The following UBXN2A variants were observed in gnomAD, a reference collection of about 807,000 sequenced individuals.
UBXN2A encodes the protein UBX domain protein 2A, also known as UBX domain-containing protein 2A.
UBXN2A carries 28 observed loss-of-function variants against 28.4 expected under a neutral mutation model. That is an observed-to-expected ratio of 0.99 (90% CI 0.73 to 1.35). The LOEUF is 1.35. Ranked by LOEUF, UBXN2A falls within the 40% of genes most tolerant of loss-of-function variation. The pLI, the probability that UBXN2A is intolerant of heterozygous loss-of-function variation, is 0.00. For synonymous variants in UBXN2A, 97 were observed against 103.6 expected (o/e 0.94, Z 0.39); for missense variants, 253 against 297.9 (o/e 0.85, Z 1.11).
At chr2:23,982,829 A>G (rs1707967052) in intron 4 of UBXN2A, 67 bp from the exon 5 acceptor site, 7 of 1,493,368 alleles carry the variant, frequency 4.7e-6, no homozygotes, top group Non-Finnish European at 6.3e-6. Flanking sequence ...TTTTGTATGT[A>G]CAGAATGTTT....
At chr2:23,929,016 A>G (rs1350605399) in intron 1 of UBXN2A, among the ~76,000 whole-genome samples, 2 of 152,158 alleles carry the variant, frequency 1.3e-5, no homozygotes, top group Non-Finnish European at 2.9e-5. Flanking sequence ...TGGGCCAGGC[A>G]CTGTAGCTCA....
chr2:23,974,256 A>T (rs936555193), intron 3 of UBXN2A, among the ~76,000 whole-genome samples: 20 of 150,164 alleles, frequency 1.3e-4, no homozygotes, highest in African/African-American at 4.7e-4. Context: ...TGACCTCGTG[A>T]TCCGCCCGCC....
chr2:23,951,450 A>G, intron 1 of UBXN2A, among the ~76,000 whole-genome samples: 1 of 62,870 alleles, frequency 1.6e-5, no homozygotes, highest in South Asian at 5.4e-4. Context: ...ATATATATAT[A>G]TATATATATA....
At chr2:23,944,087 A>G in intron 1 of UBXN2A, 1 of 667,198 alleles carries the variant, frequency 1.5e-6, no homozygotes, top group Admixed American at 1.9e-5. Flanking sequence ...CTTTGAGCAC[A>G]GGGGTCTCTT....
At chr2:23,984,904 A>G (rs933590818) in intron 6 of UBXN2A, 73 bp downstream of exon 6, 109 of 1,466,440 alleles carry the variant, frequency 7.4e-5, no homozygotes, top group South Asian at 6.1e-4. Flanking sequence ...TGGTTCAGTC[A>G]ACAGTTTATT....
At chr2:23,997,426 A>G (rs1057026804) in intron 6 of UBXN2A, among the ~76,000 whole-genome samples, 3 of 152,166 alleles carry the variant, frequency 2.0e-5, no homozygotes, top group African/African-American at 7.2e-5. Context: ...AAGAATGTCA[A>G]CAGTCTAAAG....
At position 24,002,952 on chromosome 2, in the gene UBXN2A, G is replaced by T. The variant is rs114968454; in HGVS notation, c.*3085G>T. 1.6e-4 allele frequency: 24 copies of T among 152,270 alleles called. No individual in the cohort carries two copies. Among genetic ancestry groups the T allele is most frequent in the Non-Finnish European group, 2.9e-4 (20 of 68,028 alleles). The allele number at this position is 152,270 out of a possible 1,614,324, so 9.4% of individuals were successfully genotyped here. On this transcript the variant is annotated 3_prime_UTR_variant, in exon 7 of 7. Transcript: ENST00000309033. ...GTTTTGACTTCACAGTGCCCTGAAT[G>T]GGTCTTGGGAATCTCCAGGGATCCC... is the stretch of plus-strand genomic sequence containing the variant.
intron 1 of UBXN2A, among the ~76,000 whole-genome samples, chr2:23,929,668 G>T (rs1316755174): frequency 6.6e-6 from 1 of 151,580 alleles, no homozygotes; most frequent in South Asian, 2.1e-4. Context: ...AGCTGAGATT[G>T]CACCACTGCA....
chr2:23,950,073 A>T (rs1391788071), intron 1 of UBXN2A, among the ~76,000 whole-genome samples: 1 of 132,336 alleles, frequency 7.6e-6, no homozygotes, highest in Non-Finnish European at 1.5e-5. Flanking sequence ...ACTGTGAAGG[A>T]TACAGGAAAT....
intron 1 of UBXN2A, among the ~76,000 whole-genome samples, chr2:23,942,454 C>T (rs1000293302): frequency 1.5e-4 from 19 of 123,494 alleles, no homozygotes; most frequent in African/African-American, 4.8e-4. Flanking sequence ...TACAGAGTCT[C>T]GCTCTGTCAC....
chr2:23,945,803 A>G (rs982171594), intron 1 of UBXN2A, among the ~76,000 whole-genome samples: 1 of 151,418 alleles, frequency 6.6e-6, no homozygotes, highest in Non-Finnish European at 1.5e-5. Flanking sequence ...ATTTTTAATT[A>G]TGCATTTAAT....
At position 23,999,885 on chromosome 2, in the gene UBXN2A, G is replaced by A; in HGVS notation, c.*18G>A. The A allele has an allele frequency of 6.2e-7, 1 of 1,603,236 alleles. No homozygotes were observed. Among genetic ancestry groups the A allele is most frequent in the Non-Finnish European group, 8.5e-7 (1 of 1,174,526 alleles). ...AGCACTGATTTTTGATAGACTAAGT[G>A]GAAAATTTGCAGAGAAATGATGGTT... On this transcript the variant is annotated 3_prime_UTR_variant, in exon 7 of 7. Coordinates refer to ENST00000309033, the MANE Select transcript of UBXN2A (RefSeq NM_181713.4).
At chr2:23,969,066 T>C (rs189468559) in intron 2 of UBXN2A, 1 of 151,766 alleles carries the variant, frequency 6.6e-6, no homozygotes, top group East Asian at 2.0e-4. Flanking sequence ...CTAATTTTTA[T>C]ATTTTTAGTA....
chr2:23,999,094 T>A (rs540014760), intron 6 of UBXN2A, among the ~76,000 whole-genome samples: 30 of 152,344 alleles, frequency 2.0e-4, no homozygotes, highest in African/African-American at 7.0e-4. Context: ...AGTGAATTGA[T>A]TGAATGAGAG....
intron 2 of UBXN2A, among the ~76,000 whole-genome samples, chr2:23,965,343 G>T (rs1707119690): frequency 6.6e-6 from 1 of 152,190 alleles, no homozygotes; most frequent in African/African-American, 2.4e-5. Context: ...TATGATGTTA[G>T]ATGTAGGCTT....
chr2:23,927,848 GA>G (rs1280309551), intron 1 of UBXN2A, among the ~76,000 whole-genome samples: 1 of 151,422 alleles, frequency 6.6e-6, no homozygotes, highest in African/African-American at 2.4e-5. Context: ...AACTTCCAAA[GA>G]AAAAAAAATT....
At chr2:23,993,227 T>C (rs1303619794) in intron 6 of UBXN2A, among the ~76,000 whole-genome samples, 2 of 152,232 alleles carry the variant, frequency 1.3e-5, no homozygotes, top group African/African-American at 4.8e-5. Flanking sequence ...GGATTTGTTA[T>C]TCTGGCCCAA....
At position 23,998,122 on chromosome 2, in the gene UBXN2A, T is replaced by G. The variant is rs1365199557; in HGVS notation, c.585-1550T>G. ...CCACCACACCTGGCCTATTTTAATA[T>G]TTTCTAACTTAATACATAAATATAG... On this transcript the variant is annotated intron_variant, in intron 6 of 6. Coordinates refer to ENST00000309033, the MANE Select transcript of UBXN2A (RefSeq NM_181713.4). 2.0e-5 allele frequency among the ~76,000 whole-genome samples: 3 copies of G among 152,194 alleles called. No individual in the cohort carries two copies. In the East Asian group the frequency reaches 5.8e-4, roughly 29 times the overall value.
rs1034844528 is a variant in UBXN2A, at chr2:23,958,342, A to G, written c.28A>G (p.Ile10Val). The change falls in exon 2 of 7, where the codon ATA becomes GTA. Residue 10 changes from isoleucine to valine, a missense_variant. Ile to Val is a conservative substitution (Grantham distance 29). Coordinates refer to ENST00000309033, the MANE Select transcript of UBXN2A (RefSeq NM_181713.4). ...GAAAGACGTAGATAACCTCAAAAGT[A>G]TAAAAGAAGAATGGTAAGTTAATTC... MKDVDNLKS[I>V]KEEWVCETGS... 5 of 1,606,118 alleles carry G rather than the reference A, an allele frequency of 3.1e-6. No individual in the cohort carries two copies. Among genetic ancestry groups the G allele is most frequent in the South Asian group, 1.1e-5 (1 of 88,654 alleles).
Sources: allele counts gnomAD v4.1 joint callset (sites outside exome capture counted in the v4.1 genomes callset), GRCh38; gene constraint gnomAD v4.1.1; transcripts MANE v1.5; gene names NCBI Gene and HGNC (gene_info 2026-07-23, HGNC 2026-07-21).